The following OPHN1 variants were observed in gnomAD, a reference collection of about 807,000 sequenced individuals.
OPHN1 encodes oligophrenin 1, also known as oligophrenin-1.
A neutral mutation model predicts 60.7 loss-of-function variants in OPHN1; 11 were observed. The observed-to-expected ratio is 0.18, with a 90% CI of 0.11 to 0.30. The LOEUF (loss-of-function observed/expected upper bound fraction) is 0.30, where lower values mean the gene tolerates loss of function less well. OPHN1 is among the 10% of genes least tolerant of loss of function. OPHN1 has a pLI of 1.00. For missense variants in OPHN1, 449 were observed against 611.0 expected (o/e 0.73, Z 2.80); for synonymous variants, 226 against 222.6 (o/e 1.02, Z -0.14).
At chrX:68,057,656 C>A (rs1294918318) in intron 21 of OPHN1, among the ~76,000 whole-genome samples, 1 of 111,584 alleles carries the variant, frequency 9.0e-6, no homozygotes, top group Non-Finnish European at 1.9e-5. Flanking sequence ...TTGCTACCTC[C>A]AAATGATTAT....
At chrX:68,069,161 T>C (rs2076924114) in intron 20 of OPHN1, among the ~76,000 whole-genome samples, 1 of 111,869 alleles carries the variant, frequency 8.9e-6, no homozygotes, top group African/African-American at 3.3e-5. Flanking sequence ...GAGGGGCAAA[T>C]TGAGGTCCAG....
At chrX:68,369,142 A>G (rs1046262132) in intron 2 of OPHN1, among the ~76,000 whole-genome samples, 1 of 109,262 alleles carries the variant, frequency 9.2e-6, no homozygotes, top group Non-Finnish European at 1.9e-5. Flanking sequence ...CGGGAGGCAG[A>G]GGTTGCAGTG....
chrX:68,260,098 C>G (rs1395516629), intron 5 of OPHN1, among the ~76,000 whole-genome samples: 1 of 110,238 alleles, frequency 9.1e-6, no homozygotes, highest in Non-Finnish European at 1.9e-5. Context: ...CACCCAAGGT[C>G]AAAACAACAA....
intron 5 of OPHN1, among the ~76,000 whole-genome samples, chrX:68,257,552 T>C (rs939073680): frequency 2.7e-5 from 3 of 111,591 alleles, no homozygotes; most frequent in Non-Finnish European, 5.7e-5. Flanking sequence ...GATGGCAGTA[T>C]AGACCCCAAT....
At chrX:68,317,947 A>G (rs1260586692) in intron 2 of OPHN1, among the ~76,000 whole-genome samples, 1 of 111,616 alleles carries the variant, frequency 9.0e-6, no homozygotes, top group Non-Finnish European at 1.9e-5. Context: ...ACATTGAACT[A>G]AAGTTACAAC....
chrX:68,066,769 C>T (rs539960722), intron 20 of OPHN1, among the ~76,000 whole-genome samples: 189 of 112,062 alleles, frequency 1.7e-3, no homozygotes, highest in Middle Eastern at 9.2e-3. Context: ...GTCTCCATGT[C>T]ACAAAACTAC....
At chrX:68,394,050 C>T (rs754162875) in intron 2 of OPHN1, among the ~76,000 whole-genome samples, 1 of 106,089 alleles carries the variant, frequency 9.4e-6, no homozygotes, top group African/African-American at 3.3e-5. Flanking sequence ...CGCCCGCTAC[C>T]ACGCCCGGCT....
At chrX:68,410,576 G>A (rs1045932495) in intron 2 of OPHN1, among the ~76,000 whole-genome samples, 2 of 109,577 alleles carry the variant, frequency 1.8e-5, no homozygotes, top group Non-Finnish European at 3.8e-5. Context: ...AAAAAAAGTG[G>A]AAGAACAAAC....
chrX:68,433,583 G>A (rs2078897163), upstream of OPHN1: 3 of 292,520 alleles, frequency 1.0e-5, no homozygotes, highest in African/African-American at 2.7e-5. Flanking sequence ...GAAGCCCGAG[G>A]ACCAAACCGG....
chrX:68,256,052 G>A (rs1377682119), intron 5 of OPHN1, among the ~76,000 whole-genome samples: 1 of 110,461 alleles, frequency 9.1e-6, no homozygotes, highest in Non-Finnish European at 1.9e-5. Flanking sequence ...CAGAGAGAGG[G>A]GGGTCTCCAA....
chrX:68,289,300 T>C (rs1486496929), intron 3 of OPHN1, among the ~76,000 whole-genome samples: 3 of 111,761 alleles, frequency 2.7e-5, no homozygotes, highest in African/African-American at 9.8e-5. Context: ...CTTGGAAAAT[T>C]TCAAAGAAAT....
In OPHN1 at chrX:68,070,711, G is replaced by C. The variant is rs901384438; in HGVS notation, c.1834+2441C>G. On this transcript the variant is annotated intron_variant, in intron 20 of 24. Transcript: ENST00000355520. ...GTGGCTTTCACCACCTCATCCATGA[G>C]GGCTTTGGTTCCCTGGGCAAAAGCT... 12 of 1,085,641 alleles carry C rather than the reference G, an allele frequency of 1.1e-5. No homozygotes were observed. In the African/African-American group the frequency reaches 1.5e-4, roughly 13 times the overall value. The allele number at this position is 1,085,641 out of a possible 1,213,427, so 89.5% of individuals were successfully genotyped here.
intron 2 of OPHN1, among the ~76,000 whole-genome samples, chrX:68,318,029 A>G (rs1366233583): frequency 8.9e-6 from 1 of 112,410 alleles, no homozygotes; most frequent in African/African-American, 3.2e-5. Context: ...AACACCAAGC[A>G]ATCTGCCACA....
At chrX:68,330,548 C>T (rs187132535) in intron 2 of OPHN1, among the ~76,000 whole-genome samples, 1 of 110,313 alleles carries the variant, frequency 9.1e-6, no homozygotes, top group East Asian at 2.8e-4. Context: ...CCTTTAGTTC[C>T]AGCTACTTGG....
intron 2 of OPHN1, among the ~76,000 whole-genome samples, chrX:68,389,781 T>C (rs1322406732): frequency 9.1e-6 from 1 of 109,792 alleles, no homozygotes; most frequent in African/African-American, 3.3e-5. Flanking sequence ...TGCCACTTAC[T>C]CACTATGTGA....
At chrX:68,110,525 A>G (rs1039728758) in intron 18 of OPHN1, among the ~76,000 whole-genome samples, 2 of 111,748 alleles carry the variant, frequency 1.8e-5, no homozygotes, top group Non-Finnish European at 3.8e-5. Flanking sequence ...TTATAGATGC[A>G]CAAACCTGTG....
chrX:68,144,219 C>T (rs762427188), intron 15 of OPHN1, among the ~76,000 whole-genome samples: 32 of 109,434 alleles, frequency 2.9e-4, no homozygotes, highest in African/African-American at 1.0e-3. Flanking sequence ...TGGTAGAGAC[C>T]GGGTTTTGCC....
chrX:68,240,977 A>G (rs1329678749), intron 5 of OPHN1, among the ~76,000 whole-genome samples: 1 of 112,003 alleles, frequency 8.9e-6, no homozygotes, highest in African/African-American at 3.2e-5. Context: ...TAACCCAAAG[A>G]ATATTTGCCA....
At chrX:68,317,380 G>GA (rs397961005) in intron 2 of OPHN1, among the ~76,000 whole-genome samples, 2,385 of 25,611 alleles carry the variant, frequency 0.093, 89 homozygotes, top group Middle Eastern at 0.12. Context: ...AGAAAGAAAG[G>GA]AAGGAAGGAA....
Sources: allele counts gnomAD v4.1 joint callset (sites outside exome capture counted in the v4.1 genomes callset), GRCh38; gene constraint gnomAD v4.1.1; transcripts MANE v1.5; gene names NCBI Gene and HGNC (gene_info 2026-07-23, HGNC 2026-07-21).